Variants in ATP9B observed in about 807,000 individuals in gnomAD.
ATP9B encodes the protein ATPase phospholipid transporting 9B.
ATP9B carries 110 observed loss-of-function variants against 146.1 expected under a neutral mutation model. The observed-to-expected ratio is 0.75, with a 90% confidence interval of 0.65 to 0.88. The LOEUF is 0.88. Among genes scored for constraint, ATP9B ranks in the 40% least tolerant of loss-of-function variants. The probability of loss-of-function intolerance (pLI) is 0.00; values close to 1 mark genes in which losing one functional copy is unlikely to be tolerated. For missense variants in ATP9B, 1,499 were observed against 1,496.4 expected, an observed-to-expected ratio of 1.00 and a Z score of -0.03; for synonymous variants, 604 against 569.7, an observed-to-expected ratio of 1.06 and a Z score of -0.86.
rs139285015 is a variant in ATP9B, at chr18:79,213,970, A to C, written c.1039A>C (p.Ile347Leu). The C allele has an allele frequency of 1.1e-4, 172 of 1,605,604 alleles. No homozygotes were observed. The African/African-American group carries it at 2.2e-3, about 20-fold the overall frequency. ...CTTTCATGTTTTTGCAGGTACTGTA[A>C]TAGGTGTTGTCATTTATACCGGAAA... ...ASTIVASGTV[I>L]GVVIYTGKET... Residue 347 changes from isoleucine (I) to leucine (L), a missense_variant, in exon 11 of 30, where the codon ATA (isoleucine) becomes CTA (leucine). Ile to Leu is a conservative substitution (Grantham distance 5). Coordinates refer to ENST00000426216, the MANE Select transcript of ATP9B (RefSeq NM_198531.5).
intron 11 of ATP9B, among the ~76,000 whole-genome samples, chr18:79,251,596 T>A (rs563517886): frequency 6.6e-6 from 1 of 152,342 alleles, no homozygotes; most frequent in African/African-American, 2.4e-5. Context: ...CAGCTGCACT[T>A]AATGGACTTT....
In ATP9B at chr18:79,098,997, CT is replaced by C. The variant is rs771831652; in HGVS notation, c.293+2350del. On this transcript the variant is annotated intron_variant, in intron 2 of 29. Coordinates refer to ENST00000426216, the MANE Select transcript of ATP9B (RefSeq NM_198531.5). ...AATACTGTGTAAGTGATGCTATGGC[CT>C]TCTCAGGGTGTTTGATTCCTGTTTG... 1.1e-3 allele frequency among the ~76,000 whole-genome samples: 172 copies of C among 152,250 alleles called. 1 individual carries two copies. The highest frequency in any genetic ancestry group is 2.1e-3 in the Non-Finnish European group (143 of 68,018).
At chr18:79,251,130 T>C (rs2096018616) in intron 11 of ATP9B, among the ~76,000 whole-genome samples, 3 of 152,226 alleles carry the variant, frequency 2.0e-5, no homozygotes, top group Admixed American at 2.0e-4. Flanking sequence ...TGACACTTTG[T>C]GTTTGAAGTG....
At chr18:79,129,594 T>C (rs563096622) in intron 5 of ATP9B, among the ~76,000 whole-genome samples, 2 of 151,998 alleles carry the variant, frequency 1.3e-5, no homozygotes, top group African/African-American at 4.8e-5. Context: ...TTAGAGACCA[T>C]CCATGATAAA....
At chr18:79,184,172 A>G (rs1311417203) in intron 8 of ATP9B, among the ~76,000 whole-genome samples, 3 of 152,170 alleles carry the variant, frequency 2.0e-5, no homozygotes, top group Non-Finnish European at 4.4e-5. Flanking sequence ...CCACTTTTAA[A>G]TGTTTGTCAG....
At chr18:79,098,791 CAT>C (rs1276698619) in intron 2 of ATP9B, among the ~76,000 whole-genome samples, 1 of 152,206 alleles carries the variant, frequency 6.6e-6, no homozygotes, top group East Asian at 1.9e-4. Flanking sequence ...GATATGGTCA[CAT>C]GTCACATTTA....
At chr18:79,199,447 T>C (rs919082077) in intron 9 of ATP9B, among the ~76,000 whole-genome samples, 1 of 152,160 alleles carries the variant, frequency 6.6e-6, no homozygotes, top group Non-Finnish European at 1.5e-5. Context: ...AAATTTTACT[T>C]TTTAAACTTT....
At chr18:79,146,754 T>C (rs767923297) in intron 6 of ATP9B, 1 of 159,672 alleles carries the variant, frequency 6.3e-6, no homozygotes, top group Non-Finnish European at 1.4e-5. Context: ...TCCTAAGTGC[T>C]CTCATCTGCC....
intron 18 of ATP9B, among the ~76,000 whole-genome samples, 178 bp downstream of exon 18, chr18:79,336,889 T>C (rs2096830209): frequency 6.6e-6 from 1 of 152,224 alleles, no homozygotes; most frequent in South Asian, 2.1e-4. Flanking sequence ...CCACCATTTC[T>C]CCAGCTTGCT....
chr18:79,113,409 T>G, intron 4 of ATP9B, 55 bp downstream of exon 4: 1 of 1,137,936 alleles, frequency 8.8e-7, no homozygotes, highest in East Asian at 2.6e-5. Flanking sequence ...GAATATAGTT[T>G]TAAGAGTTGA....
chr18:79,255,530 C>T (rs1328198312), intron 12 of ATP9B, among the ~76,000 whole-genome samples: 1 of 152,198 alleles, frequency 6.6e-6, no homozygotes, highest in Non-Finnish European at 1.5e-5. Flanking sequence ...GATAGGTTAG[C>T]CATCAAGTGA....
chr18:79,207,427 C>A (rs745730402), intron 10 of ATP9B, among the ~76,000 whole-genome samples: 1 of 152,092 alleles, frequency 6.6e-6, no homozygotes, highest in African/African-American at 2.4e-5. Flanking sequence ...GACTGTGGAA[C>A]GGAAAAGTAT....
intron 6 of ATP9B, among the ~76,000 whole-genome samples, chr18:79,151,604 C>A (rs1211725042): frequency 6.6e-6 from 1 of 152,120 alleles, no homozygotes; most frequent in African/African-American, 2.4e-5. Flanking sequence ...TATGGTAGAC[C>A]CTGCACGTGG....
intron 25 of ATP9B, among the ~76,000 whole-genome samples, chr18:79,356,149 A>T (rs643023): frequency 6.6e-6 from 1 of 152,190 alleles, no homozygotes; most frequent in Non-Finnish European, 1.5e-5. Context: ...TGAAATGATG[A>T]GCGCATCGTC....
intron 9 of ATP9B, among the ~76,000 whole-genome samples, chr18:79,204,030 G>C (rs1172466856): frequency 6.6e-6 from 1 of 152,156 alleles, no homozygotes; most frequent in Non-Finnish European, 1.5e-5. Context: ...TTTCTTTAAA[G>C]TTGATATTTT....
At chr18:79,223,533 A>T (rs984566049) in intron 11 of ATP9B, among the ~76,000 whole-genome samples, 1 of 152,172 alleles carries the variant, frequency 6.6e-6, no homozygotes, top group Admixed American at 6.5e-5. Context: ...GACTCTTGGG[A>T]TGCTTTTTTT....
intron 25 of ATP9B, chr18:79,352,864 T>A (rs551656475): frequency 2.0e-5 from 3 of 152,226 alleles, no homozygotes; most frequent in Non-Finnish European, 4.4e-5. Flanking sequence ...TTTTTGCTCT[T>A]CTAAACATAG....
intron 9 of ATP9B, among the ~76,000 whole-genome samples, chr18:79,200,717 T>TGGGCACTGTCGGGGTCAGAGCAGAGGC (rs2095466033): frequency 1.0e-5 from 1 of 97,066 alleles, no homozygotes; most frequent in African/African-American, 5.7e-5. Flanking sequence ...AGAGCAGAGG[T>TGGGCACTGTCGGGGTCAGAGCAGAGGC]GGAGGTGGGG....
chr18:79,337,584 A>G, intron 19 of ATP9B, 135 bp downstream of exon 19: 1 of 1,216,322 alleles, frequency 8.2e-7, no homozygotes, highest in Non-Finnish European at 1.1e-6. Flanking sequence ...GCTGCCCACC[A>G]GCTCCCCTCC....
Sources: allele counts gnomAD v4.1 joint callset (sites outside exome capture counted in the v4.1 genomes callset), GRCh38; gene constraint gnomAD v4.1.1; transcripts MANE v1.5; gene names NCBI Gene and HGNC (gene_info 2026-07-23, HGNC 2026-07-21).